The following IL1RAPL1 variants were observed in gnomAD, a reference collection of about 807,000 sequenced individuals.
IL1RAPL1 encodes the protein interleukin 1 receptor accessory protein like 1.
In IL1RAPL1, 3 loss-of-function variants were observed where a neutral mutation model predicts 48.4. The ratio of observed to expected loss-of-function variants is 0.06; its 90% CI spans 0.03 to 0.16. The LOEUF (loss-of-function observed/expected upper bound fraction) is 0.16. IL1RAPL1 is among the 10% of genes least tolerant of loss of function. IL1RAPL1 has a pLI of 1.00. For synonymous variants in IL1RAPL1, 185 were observed against 187.7 expected (o/e 0.99, Z 0.12); for missense variants, 349 against 530.6 (o/e 0.66, Z 3.36).
intron 6 of IL1RAPL1, among the ~76,000 whole-genome samples, chrX:29,695,598 G>A (rs1926886319): frequency 3.7e-5 from 1 of 27,367 alleles, no homozygotes; most frequent in Non-Finnish European, 5.7e-5. Context: ...GCAAGGTGGC[G>A]AGAGAGAGAG....
chrX:28,757,462 A>G (rs1370832896), intron 1 of IL1RAPL1, among the ~76,000 whole-genome samples: 1 of 112,489 alleles, frequency 8.9e-6, no homozygotes, highest in African/African-American at 3.2e-5. Flanking sequence ...CAAGCAAAAC[A>G]AGTAGGGCAG....
At chrX:28,886,337 A>T (rs985385902) in intron 2 of IL1RAPL1, among the ~76,000 whole-genome samples, 1 of 109,663 alleles carries the variant, frequency 9.1e-6, no homozygotes, top group African/African-American at 3.3e-5. Context: ...TAAAGTAGAA[A>T]ATCTTTTCAC....
chrX:28,778,181 C>G (rs1450926529), intron 1 of IL1RAPL1, among the ~76,000 whole-genome samples: 1 of 111,674 alleles, frequency 9.0e-6, no homozygotes, highest in African/African-American at 3.2e-5. Context: ...AAAAATAAAA[C>G]TAAAAAATTT....
intron 2 of IL1RAPL1, among the ~76,000 whole-genome samples, chrX:28,909,149 T>C (rs1447776096): frequency 8.9e-6 from 1 of 111,968 alleles, no homozygotes; most frequent in Non-Finnish European, 1.9e-5. Context: ...TTACAGTCTG[T>C]TTTTTAATTG....
At chrX:29,942,939 GT>G (rs1435396441) in intron 9 of IL1RAPL1, among the ~76,000 whole-genome samples, 8 of 107,564 alleles carry the variant, frequency 7.4e-5, no homozygotes, top group African/African-American at 2.4e-4. Flanking sequence ...TTTATATACT[GT>G]TTTTTTTTCA....
chrX:28,875,482 A>G (rs1450851980), intron 2 of IL1RAPL1, among the ~76,000 whole-genome samples: 1 of 112,328 alleles, frequency 8.9e-6, no homozygotes, highest in Non-Finnish European at 1.9e-5. Flanking sequence ...ATGTGTTTGC[A>G]TTTAGCTCTT....
intron 2 of IL1RAPL1, among the ~76,000 whole-genome samples, chrX:29,130,735 G>A (rs774576936): frequency 8.9e-6 from 1 of 112,090 alleles, no homozygotes; most frequent in Admixed American, 9.5e-5. Flanking sequence ...TATCACTGGA[G>A]AGGAGTAATA....
At position 29,955,431 on chromosome X, in the gene IL1RAPL1, A is replaced by G. The variant is rs1383149888; in HGVS notation, c.1702A>G (p.Thr568Ala). The change falls in exon 11 of 11, where the codon ACA becomes GCA. Residue 568 changes from threonine to alanine, a missense_variant. This residue lies in a region of IL1RAPL1 where 46 missense variants were observed against 113.3 expected (regional missense o/e 0.41). Coordinates refer to ENST00000378993, the MANE Select transcript of IL1RAPL1 (RefSeq NM_014271.4). ...EMPFKRIEPI[T>A]HEQALDVSEQ... ...GCCTTTTAAGAGGATAGAACCCATT[A>G]CACATGAGCAGGCTTTAGATGTCAG... The G allele has an allele frequency of 8.3e-7, 1 of 1,209,049 alleles. No homozygotes were observed. Among genetic ancestry groups the G allele is most frequent in the Admixed American group, 2.2e-5 (1 of 45,666 alleles).
At chrX:28,597,750 C>G (rs988137263) in intron 1 of IL1RAPL1, among the ~76,000 whole-genome samples, 1 of 110,035 alleles carries the variant, frequency 9.1e-6, no homozygotes, top group African/African-American at 3.3e-5. Context: ...AATAAATAAG[C>G]AAACAAACCA....
At chrX:28,935,699 C>A (rs915089962) in intron 2 of IL1RAPL1, among the ~76,000 whole-genome samples, 1 of 111,894 alleles carries the variant, frequency 8.9e-6, no homozygotes. Flanking sequence ...AATGTGGACA[C>A]TGGTTTATCT....
At chrX:29,009,196 GA>G (rs201971494) in intron 2 of IL1RAPL1, among the ~76,000 whole-genome samples, 1,266 of 111,673 alleles carry the variant, frequency 0.011, 21 homozygotes, top group African/African-American at 0.039. Flanking sequence ...GCTCCTTCTT[GA>G]GGGGGTAGGG....
At chrX:28,882,819 G>A (rs1471240182) in intron 2 of IL1RAPL1, among the ~76,000 whole-genome samples, 1 of 111,665 alleles carries the variant, frequency 9.0e-6, no homozygotes, top group Non-Finnish European at 1.9e-5. Context: ...TAAAATTTTT[G>A]ATAAAAGTGA....
At chrX:29,252,008 C>T (rs1466037479) in intron 2 of IL1RAPL1, among the ~76,000 whole-genome samples, 4 of 105,417 alleles carry the variant, frequency 3.8e-5, no homozygotes, top group East Asian at 2.9e-4. Flanking sequence ...AGTAAACTAT[C>T]GCAAGAACAA....
intron 6 of IL1RAPL1, among the ~76,000 whole-genome samples, chrX:29,727,399 G>GA (rs1443894849): frequency 3.6e-5 from 4 of 111,747 alleles, no homozygotes; most frequent in Non-Finnish European, 7.5e-5. Flanking sequence ...AATGTGGAGG[G>GA]AAAAAAACCC....
At chrX:29,902,165 G>A (rs1447693056) in intron 6 of IL1RAPL1, among the ~76,000 whole-genome samples, 4 of 109,384 alleles carry the variant, frequency 3.7e-5, no homozygotes, top group Non-Finnish European at 7.6e-5. Flanking sequence ...TCATTTTCCC[G>A]CATCATTTAT....
At chrX:28,925,929 C>G (rs1237018035) in intron 2 of IL1RAPL1, among the ~76,000 whole-genome samples, 1 of 111,476 alleles carries the variant, frequency 9.0e-6, no homozygotes, top group East Asian at 2.8e-4. Flanking sequence ...CACACACACA[C>G]ACGAAAAGAA....
chrX:29,934,076 C>G (rs1374813473), intron 8 of IL1RAPL1, among the ~76,000 whole-genome samples: 1 of 110,257 alleles, frequency 9.1e-6, no homozygotes, highest in African/African-American at 3.3e-5. Context: ...AATACATGTT[C>G]TAAAGAGGAA....
chrX:28,972,973 CT>C (rs1925121734), intron 2 of IL1RAPL1, among the ~76,000 whole-genome samples: 2 of 111,290 alleles, frequency 1.8e-5, no homozygotes, highest in Admixed American at 1.9e-4. Context: ...TGGTCATGCC[CT>C]TCCTGCTGTT....
chrX:29,029,430 T>A (rs1926566162), intron 2 of IL1RAPL1, among the ~76,000 whole-genome samples: 1 of 111,612 alleles, frequency 9.0e-6, no homozygotes. Flanking sequence ...ACAGGTAATG[T>A]AAAACTGCCC....
Sources: allele counts gnomAD v4.1 joint callset (sites outside exome capture counted in the v4.1 genomes callset), GRCh38; gene constraint gnomAD v4.1.1; regional missense constraint gnomAD v4.1.1; transcripts MANE v1.5; gene names NCBI Gene and HGNC (gene_info 2026-07-23, HGNC 2026-07-21).